The following AOX1 variants were observed in gnomAD, a reference collection of about 807,000 sequenced individuals.
AOX1 encodes aldehyde oxidase 1, also known as aldehyde oxidase.
A neutral mutation model predicts 169.5 loss-of-function variants in AOX1; 153 were observed. That is an observed-to-expected ratio of 0.90 (90% CI 0.79 to 1.03). The LOEUF is 1.03. Among genes scored for constraint, AOX1 ranks in the 50% least tolerant of loss-of-function variants. The probability of loss-of-function intolerance (pLI) is 0.00; values close to 1 mark genes in which losing one functional copy is unlikely to be tolerated. For synonymous variants in AOX1, 562 were observed against 581.9 expected (o/e 0.97, Z 0.49); for missense variants, 1,656 against 1,663.9 (o/e 1.00, Z 0.08).
In AOX1 at chr2:200,597,416, T is replaced by C. The variant is rs1270095386; in HGVS notation, c.220T>C (p.Cys74Arg). ...KRIRHHPANACLIPICSLYGA... is the reference protein window; with the variant it reads ...KRIRHHPANARLIPICSLYGA... ...CTGAAGGCATCACCCAGCCAATGCC[T>C]GTCTGATTCCCATCTGTTCTCTGTA... Residue 74 changes from cysteine to arginine, a missense_variant, in exon 4 of 35, where the codon TGT (cysteine) becomes CGT (arginine). Transcript: ENST00000374700. The C allele has an allele frequency of 3.1e-6, 5 of 1,608,734 alleles. No homozygotes were observed. The highest frequency in any genetic ancestry group is 1.7e-5 in the Admixed American group (1 of 59,418).
chr2:200,591,212 GA>G (rs1175645420), intron 1 of AOX1, among the ~76,000 whole-genome samples: 1 of 152,190 alleles, frequency 6.6e-6, no homozygotes, highest in Non-Finnish European at 1.5e-5. Flanking sequence ...AAGAACAGCA[GA>G]AGATGGCTTC....
chr2:200,600,169 A>G (rs762197199), intron 5 of AOX1, among the ~76,000 whole-genome samples: 2 of 152,192 alleles, frequency 1.3e-5, no homozygotes, highest in African/African-American at 2.4e-5. Flanking sequence ...CAGGATTCAA[A>G]CCAACCCACA....
At chr2:200,601,072 GCT>G (rs79858611) in intron 5 of AOX1, among the ~76,000 whole-genome samples, 49 of 58,526 alleles carry the variant, frequency 8.4e-4, no homozygotes, top group Non-Finnish European at 1.5e-3. Context: ...AGCTTAGAGT[GCT>G]TTTTTTTTTT....
At chr2:200,593,376 T>C (rs1474266944) in intron 2 of AOX1, among the ~76,000 whole-genome samples, 173 bp downstream of exon 2, 2 of 152,220 alleles carry the variant, frequency 1.3e-5, no homozygotes, top group Non-Finnish European at 2.9e-5. Flanking sequence ...AGTGCACAAA[T>C]GTGGCCGTCA....
In AOX1 at chr2:200,593,134, C is replaced by A. The variant is rs1559229175; in HGVS notation, c.46-12C>A. 6.2e-7 allele frequency: 1 copy of A among 1,608,232 alleles called. No individual in the cohort carries two copies. Among genetic ancestry groups the A allele is most frequent in the South Asian group, 1.1e-5 (1 of 90,912 alleles). ...GCTCTCTCAACTAACTCTTATTTTC[C>A]CTTTGGTATAGGTGATAGAAAAAAA... On this transcript the variant is annotated splice_polypyrimidine_tract_variant and intron_variant, in intron 1 of 34. Coordinates refer to ENST00000374700, the MANE Select transcript of AOX1 (RefSeq NM_001159.4).
intron 2 of AOX1, among the ~76,000 whole-genome samples, chr2:200,593,831 T>C (rs1344337542): frequency 6.6e-6 from 1 of 152,178 alleles, no homozygotes; most frequent in East Asian, 1.9e-4. Flanking sequence ...CACATGAATA[T>C]GTTTCTGAAA....
Position 200,609,427 on chromosome 2 carries a change from C to A in AOX1, c.1153+13C>A. Reference sequence around the variant, plus strand: ...TTGCTATCAAAAGGTAAGTGACAGCCCCTACTTGGAGATTATTAAGCTGTT... The same window carrying A: ...TTGCTATCAAAAGGTAAGTGACAGCACCTACTTGGAGATTATTAAGCTGTT... On this transcript the variant is annotated intron_variant, in intron 12 of 34. Transcript: ENST00000374700. The A allele has an allele frequency of 1.2e-6, 2 of 1,606,052 alleles. No individual in the cohort carries two copies. The highest frequency in any genetic ancestry group is 1.7e-6 in the Non-Finnish European group (2 of 1,172,814).
rs996382351 is a variant in AOX1, at chr2:200,586,098, C to T, written c.-11C>T. On this transcript the variant is annotated 5_prime_UTR_variant, in exon 1 of 35. Coordinates refer to ENST00000374700, the MANE Select transcript of AOX1 (RefSeq NM_001159.4). The stretch of plus-strand genomic sequence containing the variant: ...CCCGCTCCGGGCCCTCGAACCAGCG[C>T]GGACACCACAATGGACCGGGCGTCC... 5.8e-6 allele frequency: 9 copies of T among 1,555,444 alleles called. No homozygotes were observed. The highest frequency in any genetic ancestry group is 7.8e-6 in the Non-Finnish European group (9 of 1,150,680).
At chr2:200,667,309 C>T (rs555428064) in intron 32 of AOX1, among the ~76,000 whole-genome samples, 19 of 152,268 alleles carry the variant, frequency 1.2e-4, no homozygotes, top group African/African-American at 4.6e-4. Context: ...AGTCGGTGGG[C>T]TGTACCTTTA....
In AOX1 at chr2:200,604,852, C is replaced by T. The variant is rs1352323930; in HGVS notation, c.814+12C>T. On this transcript the variant is annotated intron_variant, in intron 9 of 34. Transcript: ENST00000374700. ...AAACACCTCTGTGGGTATGTAGAAC[C>T]CCAGGGATTTTTTATAGGGAAATTG... 1.2e-6 allele frequency: 2 copies of T among 1,612,460 alleles called. No homozygotes were observed. The highest frequency in any genetic ancestry group is 1.7e-6 in the Non-Finnish European group (2 of 1,179,262).
At chr2:200,667,385 C>T (rs762879818) in intron 32 of AOX1, among the ~76,000 whole-genome samples, 12 of 151,922 alleles carry the variant, frequency 7.9e-5, no homozygotes, top group Admixed American at 2.0e-4. Flanking sequence ...TTGCGTGTCT[C>T]GAACCTGGAG....
chr2:200,681,236 C>T (rs897004457), downstream of AOX1: 2 of 152,428 alleles, frequency 1.3e-5, no homozygotes, highest in African/African-American at 2.4e-5. Flanking sequence ...AATCATGGCA[C>T]TTCCAGCTGC....
Position 200,669,588 on chromosome 2 carries a change from C to CG in AOX1, c.3817dup (p.Val1273GlyfsTer13), listed in dbSNP as rs1559264396. 1.2e-6 allele frequency: 2 copies of CG among 1,613,546 alleles called. No homozygotes were observed. The highest frequency in any genetic ancestry group is 2.7e-5 in the African/African-American group (2 of 74,802). On this transcript the variant is annotated frameshift_variant, in exon 34 of 35. Transcript: ENST00000374700. LOFTEE classifies it high-confidence loss of function. ...CTTCCTTTCAAGGGTCTGGGAGAGT[C>CG]GGGGGTGTTCCTGGGGTGTTCCGTG...
Position 200,604,816 on chromosome 2 carries a change from G to A in AOX1, c.790G>A (p.Val264Ile). 1 of 1,473,318 alleles carries A rather than the reference G, an allele frequency of 6.8e-7. No individual in the cohort carries two copies. Among genetic ancestry groups the A allele is most frequent in the Non-Finnish European group, 9.2e-7 (1 of 1,090,784 alleles). The allele number at this position is 1,473,318 out of a possible 1,614,324, so 91.3% of individuals were successfully genotyped here. A position where few individuals can be genotyped will look rare whatever the true frequency, so the allele number is the denominator to read the frequency against. Residue 264 changes from valine to isoleucine, a missense_variant, in exon 9 of 35, where the codon GTT becomes ATT. By Grantham distance (29) the Val-to-Ile change is conservative. Transcript: ENST00000374700. ...EFKFKYPQAPVIMGNTSVGPE... is the reference protein window; with the variant it reads ...EFKFKYPQAPIIMGNTSVGPE... ...TAAATTCAAGTATCCCCAGGCTCCT[G>A]TTATCATGGGAAACACCTCTGTGGG...
chr2:200,617,958 CA>C (rs1244524324), intron 16 of AOX1, among the ~76,000 whole-genome samples: 2 of 152,134 alleles, frequency 1.3e-5, no homozygotes, highest in Non-Finnish European at 2.9e-5. Context: ...CTCCTCGAAG[CA>C]GAGGGGGAAG....
At chr2:200,601,711 C>T (rs1485278262) in intron 5 of AOX1, among the ~76,000 whole-genome samples, 1 of 152,026 alleles carries the variant, frequency 6.6e-6, no homozygotes, top group African/African-American at 2.4e-5. Context: ...GTGGGTGGAT[C>T]ACCTGAGGTC....
In AOX1 at chr2:200,615,954, A is replaced by C; in HGVS notation, c.1612-17A>C. 6.3e-7 allele frequency: 1 copy of C among 1,587,158 alleles called. No homozygotes were observed. The highest frequency in any genetic ancestry group is 1.1e-5 in the South Asian group (1 of 90,460). On this transcript the variant is annotated splice_polypyrimidine_tract_variant and intron_variant, in intron 15 of 34. Coordinates refer to ENST00000374700, the MANE Select transcript of AOX1 (RefSeq NM_001159.4). ...ATTCAAACTATTTAAAATATCTGCAATGGTTCTACTTTTCAGGATCCAGTT... is the reference window on the plus strand; with the variant it reads ...ATTCAAACTATTTAAAATATCTGCACTGGTTCTACTTTTCAGGATCCAGTT...
At chr2:200,657,190 A>ATATATATATATATTTTTTTTTT in intron 27 of AOX1, among the ~76,000 whole-genome samples, 10 of 62,880 alleles carry the variant, frequency 1.6e-4, no homozygotes, top group Admixed American at 4.8e-4. Context: ...ATATATATAT[A>ATATATATATATATTTTTTTTTT]TTTTTTTTTT....
At chr2:200,594,198 T>A (rs1252074970) in intron 2 of AOX1, among the ~76,000 whole-genome samples, 3 of 152,188 alleles carry the variant, frequency 2.0e-5, no homozygotes, top group Non-Finnish European at 4.4e-5. Context: ...CCTAGACTGC[T>A]GGTCAGTCTA....
Sources: allele counts gnomAD v4.1 joint callset (sites outside exome capture counted in the v4.1 genomes callset), GRCh38; gene constraint gnomAD v4.1.1; transcripts MANE v1.5; gene names NCBI Gene and HGNC (gene_info 2026-07-23, HGNC 2026-07-21).